PICK1: variants seen among roughly 807,000 people sequenced by gnomAD.
PICK1 encodes protein interacting with PRKCA 1, also known as PRKCA-binding protein.
In PICK1, 23 loss-of-function variants were observed where a neutral mutation model predicts 48.9. The observed-to-expected ratio is 0.47, with a 90% CI of 0.34 to 0.67. PICK1 has a LOEUF of 0.67. Ranked by LOEUF, PICK1 falls within the 30% of genes least tolerant of loss-of-function variation. PICK1 has a pLI of 0.01. For missense variants in PICK1, 423 were observed against 557.1 expected (o/e 0.76, Z 2.42); for synonymous variants, 217 against 228.2 (o/e 0.95, Z 0.44).
intron 3 of PICK1, among the ~76,000 whole-genome samples, chr22:38,061,038 C>A (rs904181187): frequency 3.3e-5 from 5 of 151,950 alleles, no homozygotes; most frequent in African/African-American, 1.2e-4. Flanking sequence ...CATGAACCAC[C>A]AGCCAATAAA....
In PICK1 at chr22:38,070,843, C is replaced by T; in HGVS notation, c.445C>T (p.Leu149Phe). The T allele has an allele frequency of 6.2e-7, 1 of 1,613,896 alleles. No homozygotes were observed. The highest frequency in any genetic ancestry group is 8.5e-7 in the Non-Finnish European group (1 of 1,179,924). ...LSRAILCNDG[L>F]VKRLEELERT... Reference sequence around the variant, plus strand: ...TCTTCTTTGAATCCCGACAGATGGGCTTGTCAAGAGGCTAGAGGAGCTGGA... The same window carrying T: ...TCTTCTTTGAATCCCGACAGATGGGTTTGTCAAGAGGCTAGAGGAGCTGGA... The change falls in exon 7 of 13, where the codon CTT becomes TTT. Residue 149 changes from leucine (L) to phenylalanine (F), a missense_variant. Physicochemically the swap from Leu to Phe is conservative, Grantham distance 22 (BLOSUM62 0). Transcript: ENST00000356976.
At chr22:38,069,809 G>A (rs1030162468) in intron 6 of PICK1, among the ~76,000 whole-genome samples, 6 of 152,164 alleles carry the variant, frequency 3.9e-5, no homozygotes, top group African/African-American at 7.2e-5. Context: ...TCCTGGTGCC[G>A]TGCCTATAAA....
At position 38,057,662 on chromosome 22, in the gene PICK1, G is replaced by C. The variant is rs2085303146; in HGVS notation, c.-58+75G>C. 6 of 575,420 alleles carry C rather than the reference G, an allele frequency of 1.0e-5. No homozygotes were observed. The Admixed American group carries it at 1.4e-4, about 13-fold the overall frequency. 35.6% of individuals were successfully genotyped at this position (575,420 alleles called of 1,614,324 possible). A position where few individuals can be genotyped will look rare whatever the true frequency, so the allele number is the denominator to read the frequency against. On this transcript the variant is annotated intron_variant, in intron 1 of 12. Transcript: ENST00000356976. ...CCAGAGGGAAGAGGAGGGCACTGCT[G>C]TCCCGTATGAGGTGGTGGAGGGAGG...
Position 38,073,694 on chromosome 22 carries a change from C to A in PICK1, c.784-79C>A. ...ACACCTGCGCCAGCCTCTCCTGCTG[C>A]GTGTGGGTGATGGGGGTGGAGCTGG... On this transcript the variant is annotated intron_variant, in intron 10 of 12. Coordinates refer to ENST00000356976, the MANE Select transcript of PICK1 (RefSeq NM_012407.4). The surrounding 1 kb of genome is among the most constrained non-coding windows in gnomAD (Gnocchi z 5.7). 1.6e-6 allele frequency: 2 copies of A among 1,284,238 alleles called. No individual in the cohort carries two copies. Among genetic ancestry groups the A allele is most frequent in the Non-Finnish European group, 2.3e-6 (2 of 881,220 alleles). The allele number at this position is 1,284,238 out of a possible 1,614,324, so 79.6% of individuals were successfully genotyped here. A position where few individuals can be genotyped will look rare whatever the true frequency, so the allele number is the denominator to read the frequency against.
chr22:38,069,592 A>G (rs1445995782), intron 6 of PICK1, among the ~76,000 whole-genome samples: 1 of 152,188 alleles, frequency 6.6e-6, no homozygotes, highest in Non-Finnish European at 1.5e-5. Context: ...TGGGGTGGCC[A>G]GCGAAACACT....
chr22:38,073,207 C>T lies in PICK1; in HGVS notation c.783+115C>T. The T allele has an allele frequency of 1.3e-6, 1 of 774,614 alleles. No individual in the cohort carries two copies. Among genetic ancestry groups the T allele is most frequent in the Non-Finnish European group, 2.3e-6 (1 of 432,914 alleles). 48.0% of individuals were successfully genotyped at this position (774,614 alleles called of 1,614,324 possible). Reference sequence around the variant, plus strand: ...CCAGCCAGAGCTGACAGCATGTCTGCTCCAGGTGTGGGCCCAGAGGCCCAG... The same window carrying T: ...CCAGCCAGAGCTGACAGCATGTCTGTTCCAGGTGTGGGCCCAGAGGCCCAG... On this transcript the variant is annotated intron_variant, in intron 10 of 12. Transcript: ENST00000356976. This position sits in a 1 kb window ranked among gnomAD's most constrained non-coding sequence, Gnocchi z 5.7.
At position 38,069,618 on chromosome 22, in the gene PICK1, C is replaced by T. The variant is rs138940315; in HGVS notation, c.439+496C>T. Among the ~76,000 whole-genome samples the T allele has an allele frequency of 9.8e-4, 149 of 152,342 alleles. 1 individual carries two copies. Among genetic ancestry groups the T allele is most frequent in the Admixed American group, 2.2e-3 (34 of 15,308 alleles). ...GCGAAACACTCAGTCCCCCTCCTAC[C>T]GTCGCCAGTCCGAGTTTAAAAATAG... On this transcript the variant is annotated intron_variant, in intron 6 of 12. Coordinates refer to ENST00000356976, the MANE Select transcript of PICK1 (RefSeq NM_012407.4).
chr22:38,069,666 TG>T (rs888409715), intron 6 of PICK1, among the ~76,000 whole-genome samples: 6 of 152,250 alleles, frequency 3.9e-5, no homozygotes, highest in African/African-American at 1.4e-4. Context: ...AGTGTGCCTG[TG>T]GGGTAGATAT....
In PICK1 at chr22:38,070,685, C is replaced by A. The variant is rs896722484; in HGVS notation, c.440-153C>A. On this transcript the variant is annotated intron_variant, in intron 6 of 12. Transcript: ENST00000356976. ...ATTTACAAAACACCTTTGAACCCAGCTGACCCGAGCTGCCAAATCCCCCTC... is the reference window on the plus strand; with the variant it reads ...ATTTACAAAACACCTTTGAACCCAGATGACCCGAGCTGCCAAATCCCCCTC... 2.6e-5 allele frequency among the ~76,000 whole-genome samples: 4 copies of A among 152,194 alleles called. No homozygotes were observed. The South Asian group carries it at 8.3e-4, about 31-fold the overall frequency.
Position 38,074,587 on chromosome 22 carries a change from GGCCTGGGTGGA to G in PICK1, c.979+139_979+149del. 1.5e-6 allele frequency: 2 copies of G among 1,293,268 alleles called. No homozygotes were observed. The highest frequency in any genetic ancestry group is 5.0e-5 in the East Asian group (2 of 39,648). The allele number at this position is 1,293,268 out of a possible 1,614,324, so 80.1% of individuals were successfully genotyped here. A position where few individuals can be genotyped will look rare whatever the true frequency, so the allele number is the denominator to read the frequency against. On this transcript the variant is annotated intron_variant, in intron 12 of 12. Transcript: ENST00000356976. The surrounding 1 kb of genome is among the most constrained non-coding windows in gnomAD (Gnocchi z 4.5). ...GAGCCCAGCCATCTGCCCAGAGCCT[GGCCTGGGTGGA>G]GCTGGCCTGTGCGCGTGGGCTCCGT...
At position 38,059,356 on chromosome 22, in the gene PICK1, C is replaced by T; in HGVS notation, c.153+11C>T. 6.6e-7 allele frequency: 1 copy of T among 1,519,624 alleles called. No individual in the cohort carries two copies. Among genetic ancestry groups the T allele is most frequent in the South Asian group, 1.2e-5 (1 of 83,504 alleles). 94.1% of individuals were successfully genotyped at this position (1,519,624 alleles called of 1,614,324 possible). On this transcript the variant is annotated intron_variant, in intron 3 of 12. Coordinates refer to ENST00000356976, the MANE Select transcript of PICK1 (RefSeq NM_012407.4). ...CTCTATATCGTCCAGGTATTGGGCGCTTTGGAGGGGGGCACAAGGTACATC... is the reference window on the plus strand; with the variant it reads ...CTCTATATCGTCCAGGTATTGGGCGTTTTGGAGGGGGGCACAAGGTACATC...
At chr22:38,069,170 C>T (rs1035566080) in intron 6 of PICK1, 48 bp downstream of exon 6, 9 of 1,380,450 alleles carry the variant, frequency 6.5e-6, no homozygotes, top group Admixed American at 1.9e-5. Context: ...CAAGCCCAGG[C>T]TGAGAAGAGT....
At chr22:38,072,399 C>G (rs2145881136) in intron 8 of PICK1, 78 bp from the exon 9 acceptor site, 1 of 1,563,772 alleles carries the variant, frequency 6.4e-7, no homozygotes, top group Non-Finnish European at 8.7e-7. Flanking sequence ...GCCCCCTGCC[C>G]TGCTTCTCCC....
Position 38,072,547 on chromosome 22 carries a change from G to T in PICK1, c.627G>T (p.Lys209Asn). ...PQPAASEAFV[K>N]FADAHRSIEK... ...CAGCTGCGAGCGAGGCTTTTGTGAA[G>T]TTCGCCGATGCCCACCGCAGCATCG... The change falls in exon 9 of 13, where the codon AAG becomes AAT. Residue 209 changes from lysine (K) to asparagine (N), a missense_variant. Physicochemically the swap from Lys to Asn is moderately conservative, Grantham distance 94 (BLOSUM62 0). Coordinates refer to ENST00000356976, the MANE Select transcript of PICK1 (RefSeq NM_012407.4). 6.2e-7 allele frequency: 1 copy of T among 1,613,536 alleles called. No homozygotes were observed. Among genetic ancestry groups the T allele is most frequent in the Non-Finnish European group, 8.5e-7 (1 of 1,180,032 alleles).
intron 9 of PICK1, 72 bp downstream of exon 9, chr22:38,072,682 G>A (rs534704840): frequency 1.2e-5 from 19 of 1,585,918 alleles, no homozygotes; most frequent in South Asian, 7.7e-5. Context: ...TGCAGAGAAG[G>A]TCGTATGCTG....
chr22:38,065,673 C>T (rs2085507391), intron 4 of PICK1, among the ~76,000 whole-genome samples: 1 of 152,202 alleles, frequency 6.6e-6, no homozygotes, highest in Non-Finnish European at 1.5e-5. Flanking sequence ...CAGAGTCACA[C>T]ACTGCCTGCC....
chr22:38,068,118 G>T (rs976133438), intron 5 of PICK1: 2 of 486,794 alleles, frequency 4.1e-6, no homozygotes, highest in Non-Finnish European at 8.4e-6. Context: ...CTTCATAAAG[G>T]GAGAGCAGCC....
chr22:38,072,460 G>A lies in PICK1; in HGVS notation c.557-17G>A, dbSNP rs751353373. The A allele has an allele frequency of 1.7e-5, 27 of 1,610,290 alleles. No homozygotes were observed. The South Asian group carries it at 2.6e-4, about 16-fold the overall frequency. ...GGGCCAAGTAGGGGCAGCCTTCAAG[G>A]CAAACTTGTCCTGCAGCCTTTGGGG... On this transcript the variant is annotated splice_polypyrimidine_tract_variant and intron_variant, in intron 8 of 12. Transcript: ENST00000356976.
intron 4 of PICK1, among the ~76,000 whole-genome samples, chr22:38,067,249 G>A (rs996423822): frequency 4.0e-5 from 6 of 151,742 alleles, no homozygotes; most frequent in African/African-American, 1.5e-4. Context: ...ATCAGACAGG[G>A]TCACAAGGTG....
Sources: allele counts gnomAD v4.1 joint callset (sites outside exome capture counted in the v4.1 genomes callset), GRCh38; gene constraint gnomAD v4.1.1; non-coding constraint Gnocchi (gnomAD v3.1); transcripts MANE v1.5; gene names NCBI Gene and HGNC (gene_info 2026-07-23, HGNC 2026-07-21).